Variants in CRYBG3 observed in about 807,000 individuals in gnomAD.
CRYBG3 encodes very large A-kinase anchor protein.
CRYBG3 carries 127 observed loss-of-function variants against 244.2 expected under a neutral mutation model. That is an observed-to-expected ratio of 0.52 (90% confidence interval 0.45 to 0.60). The LOEUF (loss-of-function observed/expected upper bound fraction) is 0.60, where lower values mean the gene tolerates loss of function less well. Ranked by LOEUF, CRYBG3 falls within the 20% of genes least tolerant of loss-of-function variation. CRYBG3 has a pLI of 0.00. For synonymous variants in CRYBG3, 1,132 were observed against 1,195.8 expected, an observed-to-expected ratio of 0.95 and a Z score of 1.10; for missense variants, 3,325 against 3,442.5, an observed-to-expected ratio of 0.97 and a Z score of 0.85.
chr3:97,841,381 G>A (rs1436438479), intron 1 of CRYBG3, among the ~76,000 whole-genome samples: 1 of 151,256 alleles, frequency 6.6e-6, no homozygotes, highest in Non-Finnish European at 1.5e-5. Context: ...ACATTTAGAA[G>A]CTTTAAGGAT....
At chr3:97,830,166 A>G (rs1264617169) in intron 1 of CRYBG3, among the ~76,000 whole-genome samples, 1 of 152,202 alleles carries the variant, frequency 6.6e-6, no homozygotes, top group Non-Finnish European at 1.5e-5. Context: ...CAAGTGCTGT[A>G]CTATGGTTAC....
intron 2 of CRYBG3, among the ~76,000 whole-genome samples, chr3:97,847,880 C>A (rs1175514254): frequency 1.3e-5 from 2 of 152,140 alleles, no homozygotes; most frequent in Admixed American, 1.3e-4. Flanking sequence ...TAACTTACTG[C>A]ATATCAATAT....
At chr3:97,896,980 A>T (rs985504048) in intron 12 of CRYBG3, among the ~76,000 whole-genome samples, 1 of 148,916 alleles carries the variant, frequency 6.7e-6, no homozygotes, top group Non-Finnish European at 1.5e-5. Flanking sequence ...AGTTATTTTT[A>T]TTTTTTTTTT....
chr3:97,840,290 A>G (rs758032936), intron 1 of CRYBG3, among the ~76,000 whole-genome samples: 58 of 152,254 alleles, frequency 3.8e-4, no homozygotes, highest in Non-Finnish European at 7.2e-4. Context: ...AAAAGTGTTG[A>G]AATTTTAATA....
intron 1 of CRYBG3, among the ~76,000 whole-genome samples, chr3:97,830,461 A>G (rs1239952480): frequency 6.6e-6 from 1 of 151,990 alleles, no homozygotes; most frequent in African/African-American, 2.4e-5. Flanking sequence ...GACTTCACGT[A>G]TTCCTCTTTC....
chr3:97,822,321 A>G lies in CRYBG3; in HGVS notation c.115A>G (p.Ser39Gly). 6.6e-7 allele frequency: 1 copy of G among 1,513,986 alleles called. No homozygotes were observed. The highest frequency in any genetic ancestry group is 8.8e-7 in the Non-Finnish European group (1 of 1,136,228). The allele number at this position is 1,513,986 out of a possible 1,614,324, so 93.8% of individuals were successfully genotyped here. Reference protein sequence around the residue: ...EEEEEERPGTSPPPAPGRSAA... With the variant: ...EEEEEERPGTGPPPAPGRSAA... ...GGAAGAGGAGGAGAGGCCGGGGACG[A>G]GCCCGCCTCCAGCTCCAGGCCGGTC... Residue 39 changes from serine to glycine, a missense_variant, in exon 1 of 22, where the codon AGC becomes GGC. Around this residue, in one of 4 missense-constraint regions of CRYBG3, gnomAD observed 1,526 missense variants for 1,443.2 expected, o/e 1.06. Transcript: ENST00000389622.
intron 9 of CRYBG3, among the ~76,000 whole-genome samples, chr3:97,888,712 C>T: frequency 6.6e-6 from 1 of 152,178 alleles, no homozygotes; most frequent in Non-Finnish European, 1.5e-5. Context: ...CCCTTAAAAA[C>T]ATAGCCACTA....
chr3:97,910,060 A>G lies in CRYBG3; in HGVS notation c.8005-2107A>G, dbSNP rs370821101. Among the ~76,000 whole-genome samples, 425 of 149,956 alleles carry G rather than the reference A, an allele frequency of 2.8e-3. 8 individuals carry two copies. The highest frequency in any genetic ancestry group is 9.4e-3 in the African/African-American group (369 of 39,408). Reference sequence around the variant, plus strand: ...GGGGTGCCTCCCAGTTAGGCTGCTCAGGGGTCAGGGGTCAGGGACCCACTT... The same window carrying G: ...GGGGTGCCTCCCAGTTAGGCTGCTCGGGGGTCAGGGGTCAGGGACCCACTT... On this transcript the variant is annotated intron_variant, in intron 15 of 21. Coordinates refer to ENST00000389622, the MANE Select transcript of CRYBG3 (RefSeq NM_153605.4).
intron 4 of CRYBG3, among the ~76,000 whole-genome samples, chr3:97,879,171 T>C (rs1464694748): frequency 1.3e-5 from 2 of 152,168 alleles, no homozygotes; most frequent in African/African-American, 4.8e-5. Context: ...CAAGTTCTGT[T>C]TTGCCAGCCT....
intron 17 of CRYBG3, among the ~76,000 whole-genome samples, chr3:97,926,554 T>C (rs181174366): frequency 4.9e-4 from 75 of 151,978 alleles, no homozygotes; most frequent in African/African-American, 1.8e-3. Context: ...AGTATAGCAC[T>C]GGAAGACCTA....
intron 19 of CRYBG3, among the ~76,000 whole-genome samples, chr3:97,940,343 ATC>A (rs2040213399): frequency 6.6e-6 from 1 of 151,984 alleles, no homozygotes; most frequent in Non-Finnish European, 1.5e-5. Context: ...GCTTCTTTAC[ATC>A]TGTGTTCACC....
In CRYBG3 at chr3:97,905,730, C is replaced by T. The variant is rs1195127997; in HGVS notation, c.8004+5245C>T. Among the ~76,000 whole-genome samples the T allele has an allele frequency of 3.5e-4, 41 of 118,362 alleles. 1 individual carries two copies. Among genetic ancestry groups the T allele is most frequent in the African/African-American group, 1.2e-3 (41 of 34,300 alleles). The allele number at this position is 118,362 out of a possible 152,430, so 77.7% of individuals were successfully genotyped here. ...TCTGATGGTAGTTTCTTTTGCTGTG[C>T]AGAAGCTCTTTAGTTTAATTAGATC... On this transcript the variant is annotated intron_variant, in intron 15 of 21. Coordinates refer to ENST00000389622, the MANE Select transcript of CRYBG3 (RefSeq NM_153605.4).
chr3:97,886,767 T>G lies in CRYBG3; in HGVS notation c.7289T>G (p.Val2430Gly). Reference protein sequence around the residue: ...KSVSFTVKSGVWLAYPDINFK... With the variant: ...KSVSFTVKSGGWLAYPDINFK... Reference sequence around the variant, plus strand: ...GTGTCCTTCACTGTGAAGTCAGGAGTGTACGTATCAGTTCCTTTTTATTAT... The same window carrying G: ...GTGTCCTTCACTGTGAAGTCAGGAGGGTACGTATCAGTTCCTTTTTATTAT... Residue 2430 changes from valine to glycine, a missense_variant and splice_region_variant, in exon 8 of 22, where the codon GTT (valine) becomes GGT (glycine). Coordinates refer to ENST00000389622, the MANE Select transcript of CRYBG3 (RefSeq NM_153605.4). 1 of 1,578,240 alleles carries G rather than the reference T, an allele frequency of 6.3e-7. No homozygotes were observed. The highest frequency in any genetic ancestry group is 8.6e-7 in the Non-Finnish European group (1 of 1,168,082).
chr3:97,877,056 T>C lies in CRYBG3; in HGVS notation c.5862T>C (p.Pro1954=). The C allele has an allele frequency of 6.3e-7, 1 of 1,594,634 alleles. No individual in the cohort carries two copies. The highest frequency in any genetic ancestry group is 1.1e-5 in the South Asian group (1 of 87,932). Residue 1954 remains proline, a synonymous_variant, in exon 4 of 22, where the codon CCT becomes CCC. Coordinates refer to ENST00000389622, the MANE Select transcript of CRYBG3 (RefSeq NM_153605.4). ...CCCCAGCAATGCCAGATTTTCAACC[T>C]GGGGATACCACAGTAAGACTAGACA... The part of the protein sequence containing the change: ...YPAPAMPDFQ[P]GDTTVRLDKR...
intron 17 of CRYBG3, 101 bp from the exon 18 acceptor site, chr3:97,933,593 G>A: frequency 8.9e-7 from 1 of 1,118,138 alleles, no homozygotes; most frequent in South Asian, 1.3e-5. Context: ...TAAACTCCAT[G>A]CATTTAAGAA....
At chr3:97,854,967 C>G (rs1488268261) in intron 2 of CRYBG3, among the ~76,000 whole-genome samples, 1 of 152,040 alleles carries the variant, frequency 6.6e-6, no homozygotes, top group Non-Finnish European at 1.5e-5. Flanking sequence ...TCTACTTTTA[C>G]TATGATGTTA....
intron 2 of CRYBG3, among the ~76,000 whole-genome samples, chr3:97,863,837 C>T (rs1324419681): frequency 1.3e-5 from 2 of 152,126 alleles, no homozygotes; most frequent in Admixed American, 1.3e-4. Context: ...GGAGCTGACA[C>T]CTCACTAAAA....
rs1488068802 is a variant in CRYBG3, at chr3:97,843,181, T to C, written c.150-14T>C. 4.0e-6 allele frequency: 6 copies of C among 1,483,874 alleles called. No individual in the cohort carries two copies. The highest frequency in any genetic ancestry group is 5.4e-6 in the Non-Finnish European group (6 of 1,119,832). 91.9% of individuals were successfully genotyped at this position (1,483,874 alleles called of 1,614,324 possible). ...CTTTTAATTTCAAAAGAAACTGTGGTTTTTATTTTTCAGTGTTGAAAATGA... is the reference window on the plus strand; with the variant it reads ...CTTTTAATTTCAAAAGAAACTGTGGCTTTTATTTTTCAGTGTTGAAAATGA... On this transcript the variant is annotated splice_polypyrimidine_tract_variant and intron_variant, in intron 1 of 21. Transcript: ENST00000389622.
chr3:97,842,021 T>G (rs1237425966), intron 1 of CRYBG3, among the ~76,000 whole-genome samples: 2 of 152,192 alleles, frequency 1.3e-5, no homozygotes, highest in African/African-American at 4.8e-5. Context: ...TCTTTTATGC[T>G]TCGTAGCATT....
Sources: gnomAD v4.1 joint callset for allele counts (sites outside exome capture counted in the v4.1 genomes callset) on GRCh38, gnomAD v4.1.1 for gene constraint, gnomAD v4.1.1 regional missense constraint, MANE v1.5 for transcripts, NCBI Gene and HGNC (gene_info 2026-07-23, HGNC 2026-07-21) for gene names.